The following PSTPIP1 variants were observed in gnomAD, a reference collection of about 807,000 sequenced individuals.
PSTPIP1 encodes proline-serine-threonine phosphatase interacting protein 1.
A neutral mutation model predicts 69.6 loss-of-function variants in PSTPIP1; 66 were observed. That is an observed-to-expected ratio of 0.95 (90% CI 0.78 to 1.16). The LOEUF is 1.16. Ranked by LOEUF, PSTPIP1 falls within the 50% of genes most tolerant of loss-of-function variation. The pLI is 0.00. For synonymous variants in PSTPIP1, 266 were observed against 222.7 expected, an observed-to-expected ratio of 1.19 and a Z score of -1.73; for missense variants, 603 against 557.4, an observed-to-expected ratio of 1.08 and a Z score of -0.82.
upstream of PSTPIP1, chr15:76,994,907 G>A: frequency 2.3e-6 from 3 of 1,282,206 alleles, no homozygotes; most frequent in Non-Finnish European, 2.0e-6. Context: ...GCTGGCGGGT[G>A]ACACACCTGG....
intron 1 of PSTPIP1, among the ~76,000 whole-genome samples, chr15:77,016,251 G>C (rs183875014): frequency 9.2e-5 from 14 of 152,232 alleles, no homozygotes; most frequent in Admixed American, 5.2e-4. Context: ...TTCTCAGGGC[G>C]GGGGGGTCTG....
In PSTPIP1 at chr15:77,000,390, C is replaced by T. The variant is rs145985493; in HGVS notation, c.36+4781C>T. On this transcript the variant is annotated intron_variant, in intron 1 of 14. Coordinates refer to ENST00000558012, the MANE Select transcript of PSTPIP1 (RefSeq NM_003978.5). ...TGTCCCTACCCCCAGACCTGTCTACCATGGCCCAGGGGCATCAGGAGAGCC... is the reference window on the plus strand; with the variant it reads ...TGTCCCTACCCCCAGACCTGTCTACTATGGCCCAGGGGCATCAGGAGAGCC... Among the ~76,000 whole-genome samples, 1,123 of 151,858 alleles carry T rather than the reference C, an allele frequency of 7.4e-3. 8 individuals carry two copies. Among genetic ancestry groups the T allele is most frequent in the African/African-American group, 0.025 (1,030 of 41,320 alleles).
At chr15:77,008,879 A>T (rs1007925487) in intron 1 of PSTPIP1, among the ~76,000 whole-genome samples, 5 of 152,114 alleles carry the variant, frequency 3.3e-5, no homozygotes, top group Non-Finnish European at 7.4e-5. Context: ...TAACATGTAC[A>T]CTGGCTGTGT....
Position 77,027,142 on chromosome 15 carries a change from C to T in PSTPIP1, c.355-710C>T, listed in dbSNP as rs1250730496. Among the ~76,000 whole-genome samples the T allele has an allele frequency of 6.6e-6, 1 of 152,218 alleles. No individual in the cohort carries two copies. The highest frequency in any genetic ancestry group is 2.4e-5 in the African/African-American group (1 of 41,456). On this transcript the variant is annotated intron_variant, in intron 5 of 14. Transcript: ENST00000558012. This position sits in a 1 kb window ranked among gnomAD's most constrained non-coding sequence, Gnocchi z 4.3. Reference sequence around the variant, plus strand: ...GCTGTGTGTGTGTGAGTGCCTGTGCCTCGCTGGTCTCCCAGCTGGCACAGA... The same window carrying T: ...GCTGTGTGTGTGTGAGTGCCTGTGCTTCGCTGGTCTCCCAGCTGGCACAGA...
chr15:77,031,690 G>A (rs990987292), intron 10 of PSTPIP1: 1 of 192,426 alleles, frequency 5.2e-6, no homozygotes, highest in South Asian at 9.0e-5. Context: ...CACATCTCCA[G>A]GGTGTCCTGG....
At position 77,032,848 on chromosome 15, in the gene PSTPIP1, C is replaced by A. The variant is rs1568521636; in HGVS notation, c.839-14C>A. The A allele has an allele frequency of 8.3e-6, 13 of 1,558,328 alleles. No homozygotes were observed. The highest frequency in any genetic ancestry group is 1.1e-5 in the Non-Finnish European group (13 of 1,150,864). The stretch of plus-strand genomic sequence containing the variant: ...TTGGGGGCCGCCCTGGGGCTCACGG[C>A]TTGCTGTCTGCAGCTCCGGTGCCCT... On this transcript the variant is annotated splice_polypyrimidine_tract_variant and intron_variant, in intron 11 of 14. Transcript: ENST00000558012.
chr15:77,027,711 G>T lies in PSTPIP1; in HGVS notation c.355-141G>T, dbSNP rs1356675470. On this transcript the variant is annotated intron_variant, in intron 5 of 14. Transcript: ENST00000558012. The surrounding 1 kb of genome is among the most constrained non-coding windows in gnomAD (Gnocchi z 4.3). The stretch of plus-strand genomic sequence containing the variant: ...GGGTCACTGTGAAGCAGCAGGCTCT[G>T]GGGGAGGGAGGGCAGCCTGTCACCC... The T allele has an allele frequency of 1.1e-6, 1 of 919,852 alleles. No homozygotes were observed. The highest frequency in any genetic ancestry group is 1.7e-6 in the Non-Finnish European group (1 of 578,244). The allele number at this position is 919,852 out of a possible 1,614,324, so 57.0% of individuals were successfully genotyped here. A position where few individuals can be genotyped will look rare whatever the true frequency, so the allele number is the denominator to read the frequency against.
chr15:76,998,725 A>C (rs1042796318), intron 1 of PSTPIP1, among the ~76,000 whole-genome samples: 1 of 152,250 alleles, frequency 6.6e-6, no homozygotes. Flanking sequence ...GGGGACACTC[A>C]GCATGGGAGC....
At chr15:77,029,349 G>A (rs1352951989) in intron 7 of PSTPIP1, among the ~76,000 whole-genome samples, 180 bp from the exon 8 acceptor site, 1 of 152,240 alleles carries the variant, frequency 6.6e-6, no homozygotes, top group African/African-American at 2.4e-5. Context: ...TTTCCATGGA[G>A]CTAGCCTGTG....
chr15:77,000,504 T>TACAC (rs1188093659), intron 1 of PSTPIP1, among the ~76,000 whole-genome samples: 6 of 139,210 alleles, frequency 4.3e-5, no homozygotes, highest in African/African-American at 1.1e-4. Context: ...CACACACACA[T>TACAC]ACACACACAC....
In PSTPIP1 at chr15:77,032,946, TA is replaced by T; in HGVS notation, c.926del (p.Lys309ArgfsTer26). The T allele has an allele frequency of 6.2e-7, 1 of 1,600,886 alleles. No homozygotes were observed. The highest frequency in any genetic ancestry group is 8.5e-7 in the Non-Finnish European group (1 of 1,174,144). ...GGCATACAGCCGTCCTGCGGCATGA[TA>T]AAGAGGTGAGGCCCCGACAGACGGA... ...SPGIQPSCGMIKRFSGLLHGS... is the reference protein window; with the variant it reads ...SPGIQPSCGMXKRFSGLLHGS... On this transcript the variant is annotated frameshift_variant, in exon 12 of 15. Transcript: ENST00000558012. LOFTEE classifies it high-confidence loss of function.
intron 9 of PSTPIP1, 59 bp from the exon 10 acceptor site, chr15:77,031,121 A>T (rs567776617): frequency 1.3e-6 from 2 of 1,501,904 alleles, no homozygotes; most frequent in East Asian, 2.3e-5. Context: ...AATGGGGCCC[A>T]GCCTGGCCGG....
rs3812914 is a variant in PSTPIP1 at position 77,018,543 on chromosome 15, C to T, written c.212+12C>T. On this transcript the variant is annotated intron_variant, in intron 3 of 14. Coordinates refer to ENST00000558012, the MANE Select transcript of PSTPIP1 (RefSeq NM_003978.5). The stretch of plus-strand genomic sequence containing the variant: ...CAGACGGAGATCAAGTAAGATCTCC[C>T]GGGCCCTGGGGCTCACTCCTCTCCT... 2.7e-3 allele frequency: 4,230 copies of T among 1,549,180 alleles called. 87 individuals carry two copies. In the East Asian group the frequency reaches 0.052, roughly 19 times the overall value.
chr15:77,025,465 C>CA (rs756479369), intron 4 of PSTPIP1, 33 bp from the exon 5 acceptor site: 1 of 1,574,378 alleles, frequency 6.4e-7, no homozygotes, highest in South Asian at 1.1e-5. Context: ...TCAGATCTGA[C>CA]ACTGGGGACC....
At chr15:77,010,841 T>C (rs1470233009) in intron 1 of PSTPIP1, among the ~76,000 whole-genome samples, 1 of 152,130 alleles carries the variant, frequency 6.6e-6, no homozygotes, top group East Asian at 1.9e-4. Context: ...AGACAGGGTT[T>C]CACCATGTTG....
intron 7 of PSTPIP1, among the ~76,000 whole-genome samples, chr15:77,029,319 C>T (rs1187801789): frequency 2.0e-5 from 3 of 152,232 alleles, no homozygotes; most frequent in Non-Finnish European, 2.9e-5. Flanking sequence ...CTCCTGGGCT[C>T]GGTTCCTGTC....
intron 1 of PSTPIP1, among the ~76,000 whole-genome samples, chr15:77,000,460 G>GATATATATATAGATAT (rs2075678520): frequency 7.1e-6 from 1 of 141,694 alleles, no homozygotes; most frequent in African/African-American, 2.6e-5. Flanking sequence ...TTTAAAGAGA[G>GATATATATATAGATAT]ATATATATAT....
chr15:77,034,890 C>G (rs1375907382), intron 12 of PSTPIP1, among the ~76,000 whole-genome samples: 1 of 152,266 alleles, frequency 6.6e-6, no homozygotes, highest in Non-Finnish European at 1.5e-5. Context: ...CAGTCCAGGC[C>G]TAAGCCTGGT....
At position 76,995,221 on chromosome 15, in the gene PSTPIP1, C is replaced by T. The variant is rs1329323174; in HGVS notation, c.-353C>T. 4.9e-6 allele frequency: 6 copies of T among 1,226,026 alleles called. No homozygotes were observed. In the Admixed American group the frequency reaches 1.9e-4, roughly 39 times the overall value. 75.9% of individuals were successfully genotyped at this position (1,226,026 alleles called of 1,614,324 possible). A position where few individuals can be genotyped will look rare whatever the true frequency, so the allele number is the denominator to read the frequency against. ...CTCTTCCACTGGCCACTGCCTCCCA[C>T]CCAGGGCTGGCATCCCTGCTCCCTG... On this transcript the variant is annotated 5_prime_UTR_variant, in exon 1 of 15. Coordinates refer to ENST00000558012, the MANE Select transcript of PSTPIP1 (RefSeq NM_003978.5).
Sources: gnomAD v4.1 joint callset for allele counts (sites outside exome capture counted in the v4.1 genomes callset) on GRCh38, gnomAD v4.1.1 for gene constraint, Gnocchi (gnomAD v3.1) non-coding constraint, MANE v1.5 for transcripts, NCBI Gene and HGNC (gene_info 2026-07-23, HGNC 2026-07-21) for gene names.